EEF1AKMT1: variants seen among roughly 807,000 people sequenced by gnomAD.
EEF1AKMT1 encodes the protein EEF1A lysine methyltransferase 1.
In EEF1AKMT1, 18 loss-of-function variants were observed where a neutral mutation model predicts 21.0. The ratio of observed to expected loss-of-function variants is 0.86; its 90% confidence interval spans 0.59 to 1.27. EEF1AKMT1 has a LOEUF of 1.27. Among genes scored for constraint, EEF1AKMT1 ranks in the 50% most tolerant of loss-of-function variants. The probability of loss-of-function intolerance (pLI) is 0.00; values close to 1 mark genes in which losing one functional copy is unlikely to be tolerated. For synonymous variants in EEF1AKMT1, 109 were observed against 94.8 expected (o/e 1.15, Z -0.87); for missense variants, 246 against 258.6 (o/e 0.95, Z 0.33).
At chr13:20,751,841 T>C (rs1022591141) in intron 2 of EEF1AKMT1, among the ~76,000 whole-genome samples, 1 of 152,204 alleles carries the variant, frequency 6.6e-6, no homozygotes, top group African/African-American at 2.4e-5. Flanking sequence ...TTTTGTAGTC[T>C]TCCTTGTAGA....
At chr13:20,734,687 G>A (rs1005196201) in intron 3 of EEF1AKMT1, among the ~76,000 whole-genome samples, 1 of 151,868 alleles carries the variant, frequency 6.6e-6, no homozygotes, top group Non-Finnish European at 1.5e-5. Flanking sequence ...TCCGCCTCCC[G>A]GGTTCACGCC....
At chr13:20,738,822 G>A (rs756395274) in intron 2 of EEF1AKMT1, among the ~76,000 whole-genome samples, 29 of 152,186 alleles carry the variant, frequency 1.9e-4, no homozygotes, top group African/African-American at 5.3e-4. Context: ...GGTGTTGGGA[G>A]GATTGAGGGA....
intron 1 of EEF1AKMT1, among the ~76,000 whole-genome samples, chr13:20,766,093 T>C (rs1170839420): frequency 6.8e-6 from 1 of 147,878 alleles, no homozygotes; most frequent in East Asian, 2.1e-4. Flanking sequence ...AGGTTAGGAG[T>C]TCAAGACCAG....
At chr13:20,770,710 T>C (rs1048122701) in intron 1 of EEF1AKMT1, among the ~76,000 whole-genome samples, 14 of 152,122 alleles carry the variant, frequency 9.2e-5, no homozygotes, top group Non-Finnish European at 1.8e-4. Context: ...AAAGCCAATA[T>C]TGCCTGGCAA....
At chr13:20,738,880 A>G (rs186193023) in intron 2 of EEF1AKMT1, among the ~76,000 whole-genome samples, 1 of 151,378 alleles carries the variant, frequency 6.6e-6, no homozygotes, top group Non-Finnish European at 1.5e-5. Flanking sequence ...AGACGCAACG[A>G]AAATGTTCTA....
chr13:20,747,464 T>A, intron 2 of EEF1AKMT1: 1 of 107,594 alleles, frequency 9.3e-6, no homozygotes, highest in South Asian at 3.2e-4. Flanking sequence ...GGCACATTCT[T>A]TTTTTTTTTT....
intron 2 of EEF1AKMT1, among the ~76,000 whole-genome samples, chr13:20,739,797 C>A (rs1304640578): frequency 2.0e-5 from 3 of 152,248 alleles, no homozygotes; most frequent in African/African-American, 7.2e-5. Context: ...CTGATTGGTG[C>A]ATTTACAATC....
At chr13:20,748,761 A>C (rs1595021790) in intron 2 of EEF1AKMT1, among the ~76,000 whole-genome samples, 1 of 105,210 alleles carries the variant, frequency 9.5e-6, no homozygotes, top group African/African-American at 3.8e-5. Context: ...ACAGAGTCTC[A>C]CTCTGTCACC....
intron 1 of EEF1AKMT1, among the ~76,000 whole-genome samples, chr13:20,764,269 TC>T (rs2059015770): frequency 1.3e-5 from 2 of 152,190 alleles, no homozygotes; most frequent in African/African-American, 4.8e-5. Context: ...CCATTTTCAT[TC>T]AGTTCAGTGT....
intron 2 of EEF1AKMT1, among the ~76,000 whole-genome samples, chr13:20,740,841 T>G (rs1202464548): frequency 6.6e-6 from 1 of 151,334 alleles, no homozygotes. Flanking sequence ...TTTTAAAAGG[T>G]GAATTTATGG....
chr13:20,762,175 C>CTT (rs57340074), intron 1 of EEF1AKMT1, among the ~76,000 whole-genome samples: 253 of 131,330 alleles, frequency 1.9e-3, no homozygotes, highest in African/African-American at 7.0e-3. Context: ...TTTCATCAGT[C>CTT]TTTTTTTTTT....
chr13:20,765,413 T>TTG (rs2059024458), intron 1 of EEF1AKMT1, among the ~76,000 whole-genome samples: 1 of 125,796 alleles, frequency 7.9e-6, no homozygotes, highest in Non-Finnish European at 1.6e-5. Flanking sequence ...GGGTTTTTTT[T>TTG]TTTTTTTTTT....
At chr13:20,739,430 G>A (rs1379878827) in intron 2 of EEF1AKMT1, among the ~76,000 whole-genome samples, 1 of 152,198 alleles carries the variant, frequency 6.6e-6, no homozygotes, top group South Asian at 2.1e-4. Flanking sequence ...CCATTTTACA[G>A]AGAGCTGATT....
intron 2 of EEF1AKMT1, among the ~76,000 whole-genome samples, chr13:20,755,666 T>C (rs1422124272): frequency 2.0e-5 from 3 of 152,246 alleles, no homozygotes; most frequent in Non-Finnish European, 4.4e-5. Flanking sequence ...AGTGAGATTA[T>C]TGGCTCAATA....
At chr13:20,740,797 A>G (rs2058865809) in intron 2 of EEF1AKMT1, among the ~76,000 whole-genome samples, 1 of 152,144 alleles carries the variant, frequency 6.6e-6, no homozygotes, top group African/African-American at 2.4e-5. Context: ...AGGGAGACTC[A>G]GTCTCAAAAC....
In EEF1AKMT1 at chr13:20,757,605, A is replaced by C; in HGVS notation, c.-7T>G. 1 of 1,613,276 alleles carries C rather than the reference A, an allele frequency of 6.2e-7. No individual in the cohort carries two copies. On this transcript the variant is annotated 5_prime_UTR_variant, in exon 2 of 5. Transcript: ENST00000382758. Reference sequence around the variant, plus strand: ...CATCTTCCAAATCACTCATTTCACAAGTTGTTTATAACCTGCAGATCAAGA... The same window carrying C: ...CATCTTCCAAATCACTCATTTCACACGTTGTTTATAACCTGCAGATCAAGA...
Position 20,767,653 on chromosome 13 carries a change from G to T in EEF1AKMT1, c.-20+6268C>A, listed in dbSNP as rs539888321. Among the ~76,000 whole-genome samples, 1,194 of 152,132 alleles carry T rather than the reference G, an allele frequency of 7.8e-3. 28 individuals are homozygous for T. The South Asian group carries it at 0.095, about 12-fold the overall frequency. On this transcript the variant is annotated intron_variant, in intron 1 of 4. Transcript: ENST00000382758. ...TTTGATTATGATGTGCCTTGGTGTG[G>T]TTTTTTACACGTTTCTTGTATTTTG...
rs1342714719 is a variant in EEF1AKMT1, at chr13:20,737,758, T to C, written c.192A>G (p.Ala64=). The C allele has an allele frequency of 1.2e-6, 2 of 1,613,172 alleles. No individual in the cohort carries two copies. The highest frequency in any genetic ancestry group is 1.7e-6 in the Non-Finnish European group (2 of 1,179,612). Residue 64 remains alanine (A), a synonymous_variant, in exon 3 of 5, where the codon GCA becomes GCG. Coordinates refer to ENST00000382758, the MANE Select transcript of EEF1AKMT1 (RefSeq NM_001318939.2). ...WYSQETALQL[A]QEAIAAVGEG... is the part of the protein sequence containing the mutation. ...CTCCTACAGCTGCAATTGCCTCCTG[T>C]GCCAGCTGCAGAGCAGTTTCCTGAC...
intron 2 of EEF1AKMT1, among the ~76,000 whole-genome samples, chr13:20,756,922 C>T (rs998195356): frequency 6.6e-6 from 1 of 152,172 alleles, no homozygotes; most frequent in African/African-American, 2.4e-5. Context: ...ATGGGGTAAC[C>T]ATCCCCTAAA....
Sources: allele counts gnomAD v4.1 joint callset (sites outside exome capture counted in the v4.1 genomes callset), GRCh38; gene constraint gnomAD v4.1.1; transcripts MANE v1.5; gene names NCBI Gene and HGNC (gene_info 2026-07-23, HGNC 2026-07-21).